Variants in ATP10A observed in about 807,000 individuals in gnomAD.
ATP10A encodes the protein phospholipid-transporting ATPase VA.
In ATP10A, 111 loss-of-function variants were observed where a neutral mutation model predicts 147.8. The ratio of observed to expected loss-of-function variants is 0.75; its 90% CI spans 0.64 to 0.88. ATP10A has a LOEUF of 0.88. Ranked by LOEUF, ATP10A falls within the 40% of genes least tolerant of loss-of-function variation. The probability of loss-of-function intolerance (pLI) is 0.00; values close to 1 mark genes in which losing one functional copy is unlikely to be tolerated. For synonymous variants in ATP10A, 875 were observed against 841.6 expected (o/e 1.04, Z -0.69); for missense variants, 1,927 against 1,959.0 (o/e 0.98, Z 0.31).
At chr15:25,680,077 G>A (rs375234668) in intron 20 of ATP10A, 44 bp downstream of exon 20, 122 of 1,600,208 alleles carry the variant, frequency 7.6e-5, no homozygotes, top group Non-Finnish European at 1.0e-4. Flanking sequence ...ATGTCGTCTG[G>A]GCTCACTCGG....
intron 2 of ATP10A, among the ~76,000 whole-genome samples, chr15:25,745,282 G>T (rs115168090): frequency 0.026 from 4,012 of 152,170 alleles, 149 homozygotes; most frequent in East Asian, 0.093. Flanking sequence ...GAACCCAGGA[G>T]GCGGAGGCTG....
intron 1 of ATP10A, among the ~76,000 whole-genome samples, chr15:25,833,278 G>A (rs566778354): frequency 3.9e-5 from 6 of 151,970 alleles, no homozygotes; most frequent in East Asian, 3.9e-4. Context: ...CCACTGCGCC[G>A]GGCCCATATT....
chr15:25,857,913 T>C (rs1893585375), intron 1 of ATP10A, among the ~76,000 whole-genome samples: 2 of 152,136 alleles, frequency 1.3e-5, no homozygotes, highest in Admixed American at 1.3e-4. Context: ...GGAAATGATA[T>C]GATCGTTGGG....
At chr15:25,795,871 T>C (rs1225875718) in intron 1 of ATP10A, among the ~76,000 whole-genome samples, 5 of 151,916 alleles carry the variant, frequency 3.3e-5, no homozygotes, top group African/African-American at 9.7e-5. Context: ...GTGTAGGGGA[T>C]GTGCGAGAGT....
Position 25,679,898 on chromosome 15 carries a change from G to A in ATP10A, c.3943C>T (p.Pro1315Ser). 1.2e-6 allele frequency: 2 copies of A among 1,610,344 alleles called. No individual in the cohort carries two copies. The highest frequency in any genetic ancestry group is 1.7e-6 in the Non-Finnish European group (2 of 1,179,340). ...TCTTTGGGAGCACTGCATCTCCTGGGGGACTTCCTGGTCAACTGACGTGCC... is the reference window on the plus strand; with the variant it reads ...TCTTTGGGAGCACTGCATCTCCTGGAGGACTTCCTGGTCAACTGACGTGCC... ...QLARQLTRKS[P>S]RRCSAPKETF... Residue 1315 changes from proline to serine, a missense_variant, in exon 21 of 21, where the codon CCC (proline) becomes TCC (serine). Transcript: ENST00000555815.
chr15:25,834,584 T>C (rs1892511668), intron 1 of ATP10A, among the ~76,000 whole-genome samples: 1 of 152,098 alleles, frequency 6.6e-6, no homozygotes, highest in Admixed American at 6.6e-5. Context: ...ACCTCAGGGG[T>C]ATCGTGTGCT....
intron 1 of ATP10A, among the ~76,000 whole-genome samples, chr15:25,785,027 G>A (rs1332818376): frequency 2.0e-5 from 3 of 151,974 alleles, no homozygotes; most frequent in African/African-American, 7.2e-5. Flanking sequence ...AAGGAACAGC[G>A]GGACAGGCCC....
chr15:25,708,361 A>G, intron 10 of ATP10A, 61 bp from the exon 11 acceptor site: 7 of 1,449,464 alleles, frequency 4.8e-6, no homozygotes, highest in Non-Finnish European at 6.8e-6. Flanking sequence ...TGGTCTTCAG[A>G]CACTCCGAGA....
Position 25,708,038 on chromosome 15 carries a change from T to C in ATP10A, c.2513A>G (p.Glu838Gly), listed in dbSNP as rs771557929. The C allele has an allele frequency of 1.2e-6, 2 of 1,614,168 alleles. No individual in the cohort carries two copies. Among genetic ancestry groups the C allele is most frequent in the Non-Finnish European group, 8.5e-7 (1 of 1,180,040 alleles). ...QSHLEAESSL[E>G]NSEELLFQSA... ...CTGGAAGAGGAGCTCCTCGCTGTTT[T>C]CCAGGGAGGATTCGGCTTCTAGGTG... Residue 838 changes from glutamate to glycine, a missense_variant, in exon 12 of 21, where the codon GAA becomes GGA. Coordinates refer to ENST00000555815, the MANE Select transcript of ATP10A (RefSeq NM_024490.4).
intron 2 of ATP10A, among the ~76,000 whole-genome samples, chr15:25,759,794 C>T: frequency 8.1e-6 from 1 of 124,064 alleles, no homozygotes. Flanking sequence ...GGGTGGAGAC[C>T]CTGTCTCAAA....
chr15:25,799,274 C>T (rs2140774225), intron 1 of ATP10A, among the ~76,000 whole-genome samples: 1 of 152,312 alleles, frequency 6.6e-6, no homozygotes, highest in African/African-American at 2.4e-5. Context: ...CCCTGCCTTC[C>T]TCATAAAAAC....
intron 15 of ATP10A, among the ~76,000 whole-genome samples, chr15:25,688,619 A>T (rs933880354): frequency 1.3e-5 from 2 of 152,230 alleles, no homozygotes; most frequent in African/African-American, 2.4e-5. Flanking sequence ...AGGAAAAGCT[A>T]GATTTCTGCT....
intron 1 of ATP10A, chr15:25,862,152 G>A (rs958415093): frequency 2.4e-6 from 1 of 414,642 alleles, no homozygotes; most frequent in Admixed American, 2.5e-5. Flanking sequence ...GGCCGTGCCA[G>A]ACATATCAGC....
At chr15:25,840,041 A>T (rs930738893) in intron 1 of ATP10A, among the ~76,000 whole-genome samples, 12 of 152,138 alleles carry the variant, frequency 7.9e-5, no homozygotes, top group African/African-American at 2.9e-4. Flanking sequence ...CTCTGGGGCC[A>T]CGTTCACCCC....
chr15:25,708,506 A>G (rs2140369405), intron 10 of ATP10A: 1 of 544,696 alleles, frequency 1.8e-6, no homozygotes, highest in South Asian at 2.2e-5. Context: ...TTTTTTATAG[A>G]GACAGGGTTT....
chr15:25,728,860 G>T (rs568307336), intron 3 of ATP10A, among the ~76,000 whole-genome samples: 1 of 152,274 alleles, frequency 6.6e-6, no homozygotes, highest in African/African-American at 2.4e-5. Flanking sequence ...AAGAGCGAAT[G>T]CGAGGGGTTG....
chr15:25,789,096 C>T (rs192046472), intron 1 of ATP10A, among the ~76,000 whole-genome samples: 12 of 152,172 alleles, frequency 7.9e-5, no homozygotes, highest in Non-Finnish European at 1.2e-4. Flanking sequence ...GTAGCTGGGA[C>T]GACAGGTGTG....
chr15:25,790,979 T>G (rs1396870850), intron 1 of ATP10A, among the ~76,000 whole-genome samples: 7 of 152,134 alleles, frequency 4.6e-5, no homozygotes, highest in Non-Finnish European at 7.3e-5. Context: ...TATTTTTTCC[T>G]AAGAGGCTGT....
intron 3 of ATP10A, among the ~76,000 whole-genome samples, chr15:25,728,404 C>T (rs1484526550): frequency 2.6e-5 from 4 of 152,234 alleles, no homozygotes; most frequent in South Asian, 2.1e-4. Context: ...GTTCAGCCAA[C>T]GCCGTGTCTA....
Sources: gnomAD v4.1 joint callset for allele counts (sites outside exome capture counted in the v4.1 genomes callset) on GRCh38, gnomAD v4.1.1 for gene constraint, MANE v1.5 for transcripts, NCBI Gene and HGNC (gene_info 2026-07-23, HGNC 2026-07-21) for gene names.